The following LRRC7 variants were observed in gnomAD, a reference collection of about 807,000 sequenced individuals.
LRRC7 encodes leucine rich repeat containing 7, also known as leucine-rich repeat-containing protein 7.
In LRRC7, 23 loss-of-function variants were observed where a neutral mutation model predicts 175.7. The observed-to-expected ratio is 0.13, with a 90% confidence interval of 0.09 to 0.19. The LOEUF is 0.19. Ranked by LOEUF, LRRC7 falls within the 10% of genes least tolerant of loss-of-function variation. LRRC7 has a pLI of 1.00. For missense variants in LRRC7, 1,354 were observed against 1,904.7 expected (o/e 0.71, Z 5.38); for synonymous variants, 685 against 680.9 (o/e 1.01, Z -0.09).
chr1:69,947,695 T>C (rs1206771341), intron 8 of LRRC7, among the ~76,000 whole-genome samples: 2 of 152,108 alleles, frequency 1.3e-5, no homozygotes, highest in Non-Finnish European at 2.9e-5. Flanking sequence ...TACTACAATA[T>C]TCCCCCTTTA....
intron 9 of LRRC7, among the ~76,000 whole-genome samples, chr1:69,984,994 A>T (rs775549544): frequency 4.6e-5 from 7 of 152,168 alleles, no homozygotes; most frequent in Non-Finnish European, 8.8e-5. Flanking sequence ...GTCACACTTT[A>T]TAAAGGCACG....
chr1:69,588,269 A>G (rs1278987120), intron 1 of LRRC7, among the ~76,000 whole-genome samples: 1 of 152,142 alleles, frequency 6.6e-6, no homozygotes, highest in East Asian at 1.9e-4. Flanking sequence ...CCATTATTTT[A>G]TCAGAAATGG....
intron 8 of LRRC7, among the ~76,000 whole-genome samples, chr1:69,944,634 A>T (rs907960473): frequency 7.9e-5 from 12 of 152,068 alleles, no homozygotes; most frequent in Non-Finnish European, 1.5e-4. Context: ...ACAGTACATA[A>T]GAGTTCCAAT....
intron 17 of LRRC7, among the ~76,000 whole-genome samples, chr1:70,024,655 A>G (rs1657891588): frequency 6.6e-6 from 1 of 152,060 alleles, no homozygotes; most frequent in Admixed American, 6.6e-5. Flanking sequence ...TATATATTTT[A>G]TCTCATGCTG....
chr1:70,085,013 G>A (rs1235942796), intron 24 of LRRC7, among the ~76,000 whole-genome samples: 2 of 151,972 alleles, frequency 1.3e-5, no homozygotes, highest in Admixed American at 6.6e-5. Flanking sequence ...TTATTGGATT[G>A]TAAAAGTTAT....
intron 7 of LRRC7, among the ~76,000 whole-genome samples, chr1:69,918,861 AC>A (rs1412455361): frequency 7.2e-5 from 11 of 152,062 alleles, no homozygotes. Flanking sequence ...GGGTCATAAA[AC>A]CCTATGGGAC....
intron 23 of LRRC7, among the ~76,000 whole-genome samples, chr1:70,057,581 C>T (rs1220371119): frequency 6.6e-6 from 1 of 151,506 alleles, no homozygotes. Flanking sequence ...TCTATTTCTC[C>T]AAGCCTCTGT....
intron 8 of LRRC7, among the ~76,000 whole-genome samples, chr1:69,945,835 G>A (rs1649249255): frequency 6.6e-6 from 1 of 151,970 alleles, no homozygotes; most frequent in African/African-American, 2.4e-5. Context: ...TGTTGATTTT[G>A]TATCCCACAA....
At chr1:69,842,378 T>C (rs1356374212) in intron 7 of LRRC7, among the ~76,000 whole-genome samples, 1 of 152,152 alleles carries the variant, frequency 6.6e-6, no homozygotes, top group Non-Finnish European at 1.5e-5. Context: ...ACTAACTTTG[T>C]TTCAACTAGA....
intron 2 of LRRC7, among the ~76,000 whole-genome samples, chr1:69,718,134 G>GAGAGAGAT (rs1665881439): frequency 2.0e-5 from 1 of 48,922 alleles, no homozygotes. Context: ...AGAAAAGAAA[G>GAGAGAGAT]AAAGAGAGAG....
chr1:69,751,302 C>T (rs1669820959), intron 2 of LRRC7, among the ~76,000 whole-genome samples: 1 of 152,008 alleles, frequency 6.6e-6, no homozygotes, highest in South Asian at 2.1e-4. Context: ...AAACCAGTAC[C>T]TAACATATAG....
intron 7 of LRRC7, among the ~76,000 whole-genome samples, chr1:69,872,230 G>GT (rs1325002457): frequency 6.6e-6 from 1 of 151,954 alleles, no homozygotes; most frequent in Non-Finnish European, 1.5e-5. Flanking sequence ...AATAAATGTA[G>GT]TACATAAAAA....
chr1:69,927,250 T>C (rs958268840), intron 7 of LRRC7, among the ~76,000 whole-genome samples: 1 of 152,222 alleles, frequency 6.6e-6, no homozygotes, highest in Admixed American at 6.5e-5. Context: ...ATTTTTTCCT[T>C]CATTTCAACT....
intron 7 of LRRC7, chr1:69,919,450 A>G: frequency 1.0e-6 from 1 of 974,486 alleles, no homozygotes. Flanking sequence ...CACTAACCCC[A>G]GCCAGTGGGA....
At chr1:69,834,281 G>C (rs17131042) in intron 5 of LRRC7, among the ~76,000 whole-genome samples, 1,830 of 152,030 alleles carry the variant, frequency 0.012, 32 homozygotes, top group African/African-American at 0.041. Flanking sequence ...TTAGTTAAGG[G>C]GACAACATAC....
At chr1:69,804,868 T>C (rs72941489) in intron 4 of LRRC7, among the ~76,000 whole-genome samples, 2,438 of 151,844 alleles carry the variant, frequency 0.016, 56 homozygotes, top group African/African-American at 0.057. Flanking sequence ...TAAATTGTTT[T>C]GTTTTGTATG....
chr1:69,971,143 A>G (rs1051327084), intron 8 of LRRC7, among the ~76,000 whole-genome samples: 2 of 152,214 alleles, frequency 1.3e-5, no homozygotes, highest in African/African-American at 2.4e-5. Context: ...AATAAAAACC[A>G]TCTATAACAA....
intron 1 of LRRC7, among the ~76,000 whole-genome samples, chr1:69,636,002 T>G (rs1345787289): frequency 1.3e-5 from 2 of 152,032 alleles, no homozygotes; most frequent in Non-Finnish European, 2.9e-5. Context: ...TTGTTCATCT[T>G]TTTAAGTTGG....
intron 7 of LRRC7, among the ~76,000 whole-genome samples, chr1:69,878,390 C>T (rs1311745988): frequency 1.3e-5 from 2 of 152,046 alleles, no homozygotes; most frequent in African/African-American, 4.8e-5. Context: ...TGAAAATCCA[C>T]TGTGGAGCCA....
Sources: allele counts gnomAD v4.1 joint callset (sites outside exome capture counted in the v4.1 genomes callset), GRCh38; gene constraint gnomAD v4.1.1; transcripts MANE v1.5; gene names NCBI Gene and HGNC (gene_info 2026-07-23, HGNC 2026-07-21).